Variants in BCL11A observed in about 807,000 individuals in gnomAD.
BCL11A encodes the protein BCL11 transcription factor A.
A neutral mutation model predicts 55.9 loss-of-function variants in BCL11A; 2 were observed. The observed-to-expected ratio is 0.04, with a 90% CI of 0.01 to 0.11. The LOEUF (loss-of-function observed/expected upper bound fraction) is 0.11. Ranked by LOEUF, BCL11A falls within the 10% of genes least tolerant of loss-of-function variation. BCL11A has a pLI of 1.00. For missense variants in BCL11A, 817 were observed against 1,137.1 expected, an observed-to-expected ratio of 0.72 and a Z score of 4.05; for synonymous variants, 465 against 473.4, an observed-to-expected ratio of 0.98 and a Z score of 0.23.
At chr2:60,504,774 G>A (rs1220549362) in intron 2 of BCL11A, among the ~76,000 whole-genome samples, 1 of 151,956 alleles carries the variant, frequency 6.6e-6, no homozygotes, top group Admixed American at 6.6e-5. Flanking sequence ...ATAGAGAGGT[G>A]GAATATCAGG....
chr2:60,542,001 G>T, intron 2 of BCL11A: 3 of 664,706 alleles, frequency 4.5e-6, no homozygotes, highest in South Asian at 3.5e-5. Context: ...TATTGTATTT[G>T]ATTTACTTTT....
chr2:60,468,026 G>GTGA (rs1676963395), intron 3 of BCL11A, among the ~76,000 whole-genome samples: 12 of 87,932 alleles, frequency 1.4e-4, no homozygotes, highest in East Asian at 2.5e-4. Flanking sequence ...GGTGGTGGTA[G>GTGA]TGGTGGTGAT....
chr2:60,552,065 T>C (rs1670434837), intron 1 of BCL11A, among the ~76,000 whole-genome samples: 1 of 151,682 alleles, frequency 6.6e-6, no homozygotes, highest in South Asian at 2.1e-4. Context: ...GCCCTAAGTT[T>C]GCAACTGAAG....
rs74721885 is a variant in BCL11A at position 60,518,931 on chromosome 2, G to A, written c.385+27040C>T. ...TGTTACTGACATTCTGTCATTCAAGGTGGGTCCTGAAGCCACAGTAAGCAC... is the reference window on the plus strand; with the variant it reads ...TGTTACTGACATTCTGTCATTCAAGATGGGTCCTGAAGCCACAGTAAGCAC... On this transcript the variant is annotated intron_variant, in intron 2 of 3. Transcript: ENST00000642384. Among the ~76,000 whole-genome samples the A allele has an allele frequency of 8.0e-3, 1,211 of 152,282 alleles. 17 individuals are homozygous for A. Among genetic ancestry groups the A allele is most frequent in the African/African-American group, 0.028 (1,156 of 41,536 alleles).
intron 3 of BCL11A, among the ~76,000 whole-genome samples, chr2:60,465,786 G>A (rs776835843): frequency 3.9e-5 from 6 of 152,288 alleles, no homozygotes; most frequent in African/African-American, 7.2e-5. Context: ...CTATCAGGTC[G>A]AATGTGAATG....
intron 2 of BCL11A, among the ~76,000 whole-genome samples, chr2:60,529,817 G>A (rs368240724): frequency 2.6e-5 from 4 of 152,134 alleles, no homozygotes; most frequent in East Asian, 3.9e-4. Flanking sequence ...ATTTTTTATT[G>A]TGTGAATATC....
Position 60,461,366 on chromosome 2 carries a change from C to T in BCL11A, c.1546G>A (p.Gly516Arg), listed in dbSNP as rs747718633. The stretch of plus-strand genomic sequence containing the variant: ...TGGCGCGCCGCCTCCAGGCTCAGCC[C>T]GAAGCCGTAGTCCACCCTCTCGCTC... ...TESERVDYGF[G>R]LSLEAARHHE... The change falls in exon 4 of 4, where the codon GGG becomes AGG. Residue 516 changes from glycine to arginine, a missense_variant. Gly to Arg is a moderately radical substitution (Grantham distance 125, BLOSUM62 -2). Around this residue, in one of 4 missense-constraint regions of BCL11A, gnomAD observed 379 missense variants for 425.3 expected, o/e 0.89. Transcript: ENST00000642384. 3.7e-6 allele frequency: 6 copies of T among 1,605,762 alleles called. No individual in the cohort carries two copies. The African/African-American group carries it at 4.0e-5, about 11-fold the overall frequency.
At chr2:60,549,051 G>A (rs1241420046) in intron 1 of BCL11A, among the ~76,000 whole-genome samples, 1 of 152,118 alleles carries the variant, frequency 6.6e-6, no homozygotes, top group East Asian at 1.9e-4. Context: ...CCTAAACTCC[G>A]GCTACAAAGC....
intron 2 of BCL11A, chr2:60,537,040 C>A (rs1457876029): frequency 6.6e-6 from 1 of 152,230 alleles, no homozygotes; most frequent in East Asian, 1.9e-4. Context: ...CTACCAGTCA[C>A]ACAGCTCCAA....
At chr2:60,467,024 A>G (rs2103914769) in intron 3 of BCL11A, among the ~76,000 whole-genome samples, 1 of 152,096 alleles carries the variant, frequency 6.6e-6, no homozygotes, top group South Asian at 2.1e-4. Context: ...GTTTCATAAA[A>G]TGGTCCCTAC....
At chr2:60,516,009 G>A (rs1026946606) in intron 2 of BCL11A, among the ~76,000 whole-genome samples, 3 of 152,316 alleles carry the variant, frequency 2.0e-5, no homozygotes, top group South Asian at 4.1e-4. Flanking sequence ...TCTGAAGGGC[G>A]GTGGCCCCTC....
chr2:60,503,819 G>A (rs1413142308), intron 2 of BCL11A, among the ~76,000 whole-genome samples: 1 of 152,194 alleles, frequency 6.6e-6, no homozygotes, highest in Non-Finnish European at 1.5e-5. Flanking sequence ...TGGATCTTTT[G>A]TCAGAGCTTT....
chr2:60,473,807 ACTT>A (rs1444291358), intron 2 of BCL11A, among the ~76,000 whole-genome samples: 2 of 152,162 alleles, frequency 1.3e-5, no homozygotes, highest in East Asian at 1.9e-4. Context: ...TCACTCACAG[ACTT>A]CTTAATTAAC....
At chr2:60,468,025 A>G (rs5029412) in intron 3 of BCL11A, among the ~76,000 whole-genome samples, 741 of 20,034 alleles carry the variant, frequency 0.037, 8 homozygotes, top group Middle Eastern at 0.05. Flanking sequence ...TGGTGGTGGT[A>G]GTGGTGGTGA....
intron 2 of BCL11A, among the ~76,000 whole-genome samples, chr2:60,499,148 T>C (rs779246381): frequency 2.4e-4 from 36 of 152,352 alleles, no homozygotes; most frequent in Non-Finnish European, 4.0e-4. Flanking sequence ...CATTATCTTC[T>C]CTGGTCTCGG....
At chr2:60,480,915 A>G (rs1394907879) in intron 2 of BCL11A, among the ~76,000 whole-genome samples, 1 of 152,194 alleles carries the variant, frequency 6.6e-6, no homozygotes, top group Non-Finnish European at 1.5e-5. Context: ...CGCTTGAATA[A>G]TCCTATTTTT....
intron 2 of BCL11A, among the ~76,000 whole-genome samples, chr2:60,473,029 G>T (rs538712921): frequency 7.6e-6 from 1 of 131,096 alleles, no homozygotes; most frequent in Non-Finnish European, 1.9e-5. Context: ...GTGTGTTAGC[G>T]TGTGCATGCA....
chr2:60,499,285 G>C (rs1679139328), intron 2 of BCL11A, among the ~76,000 whole-genome samples: 1 of 152,252 alleles, frequency 6.6e-6, no homozygotes, highest in African/African-American at 2.4e-5. Flanking sequence ...GCAGGGGTGT[G>C]ACGCCCCTGC....
chr2:60,518,666 G>A (rs1030297076), intron 2 of BCL11A, among the ~76,000 whole-genome samples: 1 of 152,144 alleles, frequency 6.6e-6, no homozygotes, highest in African/African-American at 2.4e-5. Flanking sequence ...AGCAGAGAAC[G>A]TTGAGAAAGA....
Sources: allele counts gnomAD v4.1 joint callset (sites outside exome capture counted in the v4.1 genomes callset), GRCh38; gene constraint gnomAD v4.1.1; regional missense constraint gnomAD v4.1.1; transcripts MANE v1.5; gene names NCBI Gene and HGNC (gene_info 2026-07-23, HGNC 2026-07-21).